The following ZNF385D variants were observed in gnomAD, a reference collection of about 807,000 sequenced individuals.
The protein encoded by ZNF385D is zinc finger protein 385D.
ZNF385D carries 15 observed loss-of-function variants against 35.8 expected under a neutral mutation model. That is an observed-to-expected ratio of 0.42 (90% confidence interval 0.28 to 0.64). The LOEUF is 0.64. Ranked by LOEUF, ZNF385D falls within the 30% of genes least tolerant of loss-of-function variation. The pLI is 0.23. For missense variants in ZNF385D, 474 were observed against 494.6 expected (o/e 0.96, Z 0.39); for synonymous variants, 212 against 186.8 (o/e 1.13, Z -1.10).
chr3:21,691,083 G>C (rs1056842726), intron 1 of ZNF385D, among the ~76,000 whole-genome samples: 2 of 151,818 alleles, frequency 1.3e-5, no homozygotes, highest in African/African-American at 4.8e-5. Context: ...CTCTAGCCTG[G>C]ACCACATGGT....
intron 3 of ZNF385D, among the ~76,000 whole-genome samples, chr3:22,130,233 A>AC (rs1413285526): frequency 5.9e-5 from 9 of 152,118 alleles, no homozygotes; most frequent in African/African-American, 2.2e-4. Context: ...CTTCTCCCAC[A>AC]GTTGCAAGCT....
chr3:22,213,669 A>G (rs1179812297), intron 2 of ZNF385D, among the ~76,000 whole-genome samples: 4 of 152,032 alleles, frequency 2.6e-5, no homozygotes, highest in Non-Finnish European at 5.9e-5. Context: ...TGATGTTGGC[A>G]TATTGTTCAT....
At chr3:21,759,184 C>G (rs993526868) in intron 3 of ZNF385D, among the ~76,000 whole-genome samples, 3 of 151,832 alleles carry the variant, frequency 2.0e-5, no homozygotes, top group African/African-American at 7.3e-5. Context: ...GTATAAGGGT[C>G]TGGTAAAAGA....
intron 3 of ZNF385D, among the ~76,000 whole-genome samples, chr3:21,923,356 C>A (rs1364800293): frequency 6.6e-6 from 1 of 152,086 alleles, no homozygotes; most frequent in Non-Finnish European, 1.5e-5. Context: ...AGTCAAAAAA[C>A]AACGCATGCT....
At chr3:22,127,569 A>G (rs1482800777) in intron 3 of ZNF385D, among the ~76,000 whole-genome samples, 1 of 150,994 alleles carries the variant, frequency 6.6e-6, no homozygotes, top group Non-Finnish European at 1.5e-5. Context: ...TGAACTTATG[A>G]CCTCAAGTGA....
chr3:21,821,887 G>T (rs1694257591), intron 3 of ZNF385D, among the ~76,000 whole-genome samples: 1 of 150,170 alleles, frequency 6.7e-6, no homozygotes, highest in African/African-American at 2.5e-5. Context: ...GATCACTAGA[G>T]CCTGGGAGGT....
At chr3:22,143,609 C>T (rs569584074) in intron 3 of ZNF385D, among the ~76,000 whole-genome samples, 1 of 151,976 alleles carries the variant, frequency 6.6e-6, no homozygotes, top group South Asian at 2.1e-4. Flanking sequence ...TGTGATTTGC[C>T]TTTAAATATT....
At chr3:22,275,391 C>T (rs1259405916) in intron 2 of ZNF385D, among the ~76,000 whole-genome samples, 1 of 152,046 alleles carries the variant, frequency 6.6e-6, no homozygotes, top group Non-Finnish European at 1.5e-5. Flanking sequence ...TTGCTGTAAA[C>T]CACTTTTAAT....
intron 3 of ZNF385D, among the ~76,000 whole-genome samples, chr3:22,132,665 A>C (rs546363502): frequency 6.6e-6 from 1 of 152,232 alleles, no homozygotes; most frequent in Non-Finnish European, 1.5e-5. Flanking sequence ...ACTTAATAGT[A>C]ATAACAATTA....
At chr3:21,947,346 G>GTTATTTAT (rs74499183) in intron 3 of ZNF385D, among the ~76,000 whole-genome samples, 38,466 of 150,678 alleles carry the variant, frequency 0.26, 5,610 homozygotes, top group Admixed American at 0.41. Context: ...TATTTTACTA[G>GTTATTTAT]TTATTTATTT....
At chr3:21,436,182 G>T (rs937316916) in intron 5 of ZNF385D, among the ~76,000 whole-genome samples, 1 of 151,810 alleles carries the variant, frequency 6.6e-6, no homozygotes, top group Non-Finnish European at 1.5e-5. Context: ...CACAGATGAG[G>T]GGGTATATAT....
chr3:21,666,532 G>A (rs1008830011), intron 1 of ZNF385D, among the ~76,000 whole-genome samples: 1 of 152,124 alleles, frequency 6.6e-6, no homozygotes, highest in African/African-American at 2.4e-5. Flanking sequence ...AGTAAATAAA[G>A]GGCAGATGTC....
chr3:22,192,939 T>C (rs148861201), intron 2 of ZNF385D, among the ~76,000 whole-genome samples: 91 of 152,258 alleles, frequency 6.0e-4, no homozygotes, highest in African/African-American at 2.1e-3. Context: ...TTTGAGTACC[T>C]TGACTAAGAA....
intron 3 of ZNF385D, among the ~76,000 whole-genome samples, chr3:21,879,189 GA>G (rs539770611): frequency 6.6e-6 from 1 of 151,542 alleles, no homozygotes; most frequent in South Asian, 2.1e-4. Flanking sequence ...ATCATGAATG[GA>G]AAAAAAATCC....
At chr3:22,125,938 T>C (rs2125675497) in intron 3 of ZNF385D, among the ~76,000 whole-genome samples, 2 of 152,224 alleles carry the variant, frequency 1.3e-5, no homozygotes, top group Admixed American at 1.3e-4. Flanking sequence ...AGCTGATACT[T>C]TCAGTACTGT....
chr3:21,617,177 C>T (rs1310264680), intron 2 of ZNF385D, among the ~76,000 whole-genome samples: 2 of 152,154 alleles, frequency 1.3e-5, no homozygotes, highest in Non-Finnish European at 2.9e-5. Flanking sequence ...ACTAAAGGTA[C>T]AAAATTTTCA....
At chr3:21,469,114 G>C (rs1346908324) in intron 4 of ZNF385D, among the ~76,000 whole-genome samples, 2 of 152,156 alleles carry the variant, frequency 1.3e-5, no homozygotes, top group Non-Finnish European at 1.5e-5. Flanking sequence ...GGTTACACTG[G>C]TGAGCAGATT....
In ZNF385D at chr3:21,929,846, G is replaced by A. The variant is rs553766782; in HGVS notation, c.325+238971C>T. 4.6e-5 allele frequency among the ~76,000 whole-genome samples: 7 copies of A among 151,932 alleles called. No individual in the cohort carries two copies. In the South Asian group the frequency reaches 1.5e-3, roughly 32 times the overall value. On this transcript the variant is annotated intron_variant, in intron 3 of 5. Transcript: ENST00000494108. ...ACATTCTGCGTTCACCATTTTGAAG[G>A]CTTAATTTATTAAGATGGCAATACT...
At chr3:22,341,560 G>A (rs1695420970) in intron 2 of ZNF385D, among the ~76,000 whole-genome samples, 1 of 152,038 alleles carries the variant, frequency 6.6e-6, no homozygotes, top group Non-Finnish European at 1.5e-5. Context: ...CATTTGGAAT[G>A]AACCAAAAAA....
Sources: allele counts gnomAD v4.1 joint callset (sites outside exome capture counted in the v4.1 genomes callset), GRCh38; gene constraint gnomAD v4.1.1; transcripts MANE v1.5; gene names NCBI Gene and HGNC (gene_info 2026-07-23, HGNC 2026-07-21).